DIAPH2: variants seen among roughly 807,000 people sequenced by gnomAD.
DIAPH2 encodes protein diaphanous homolog 2.
DIAPH2 carries 35 observed loss-of-function variants against 92.7 expected under a neutral mutation model. The ratio of observed to expected loss-of-function variants is 0.38; its 90% CI spans 0.29 to 0.50. DIAPH2 has a LOEUF of 0.50. Among genes scored for constraint, DIAPH2 ranks in the 20% least tolerant of loss-of-function variants. DIAPH2 has a pLI of 0.94. For missense variants in DIAPH2, 701 were observed against 819.5 expected (o/e 0.86, Z 1.77); for synonymous variants, 301 against 280.4 (o/e 1.07, Z -0.73).
intron 22 of DIAPH2, among the ~76,000 whole-genome samples, chrX:97,201,306 C>T (rs780188132): frequency 6.4e-5 from 7 of 108,821 alleles, no homozygotes; most frequent in South Asian, 4.2e-4. Context: ...CAAAACTGGA[C>T]GGAGGATGAG....
intron 19 of DIAPH2, 140 bp downstream of exon 19, chrX:97,075,401 A>G: frequency 2.8e-6 from 1 of 351,281 alleles, no homozygotes; most frequent in Non-Finnish European, 5.0e-6. Flanking sequence ...AATCAGGAAT[A>G]TCTAGCTGTG....
chrX:97,127,324 T>A (rs1446600935), intron 21 of DIAPH2, among the ~76,000 whole-genome samples: 1 of 112,143 alleles, frequency 8.9e-6, no homozygotes, highest in Non-Finnish European at 1.9e-5. Context: ...GGAAAGGATC[T>A]CAATATTTCA....
At chrX:96,982,920 G>T (rs1002011485) in intron 17 of DIAPH2, among the ~76,000 whole-genome samples, 1 of 111,408 alleles carries the variant, frequency 9.0e-6, no homozygotes, top group South Asian at 3.8e-4. Context: ...TTTGAGGCAG[G>T]GTTTTGGGAC....
At position 96,918,461 on chromosome X, in the gene DIAPH2, C is replaced by T. The variant is rs771573005; in HGVS notation, c.870-48C>T. The stretch of plus-strand genomic sequence containing the variant: ...CTGAAAGGACCGGTGCTCATAGTGT[C>T]TGTATAAGAAGTATTTCTCATTTCT... On this transcript the variant is annotated intron_variant, in intron 8 of 26. Coordinates refer to ENST00000324765, the MANE Select transcript of DIAPH2 (RefSeq NM_006729.5). 23 of 836,083 alleles carry T rather than the reference C, an allele frequency of 2.8e-5. No homozygotes were observed. In the Admixed American group the frequency reaches 6.5e-4, roughly 24 times the overall value. The allele number at this position is 836,083 out of a possible 1,213,427, so 68.9% of individuals were successfully genotyped here.
chrX:97,294,122 G>C (rs935220904), intron 23 of DIAPH2, among the ~76,000 whole-genome samples: 3 of 111,502 alleles, frequency 2.7e-5, no homozygotes, highest in African/African-American at 6.5e-5. Flanking sequence ...ATCCTGGGTA[G>C]GTTCGTAGTT....
intron 4 of DIAPH2, among the ~76,000 whole-genome samples, chrX:96,858,197 C>T (rs1417844188): frequency 1.8e-5 from 2 of 111,452 alleles, no homozygotes; most frequent in African/African-American, 6.5e-5. Context: ...TTCCAGGGTA[C>T]TAGGTAAAAT....
intron 24 of DIAPH2, among the ~76,000 whole-genome samples, chrX:97,378,297 C>T (rs936315467): frequency 3.1e-4 from 34 of 109,012 alleles, no homozygotes; most frequent in Non-Finnish European, 3.6e-4. Context: ...GTGGGAGAAT[C>T]GCTTGAACCC....
intron 17 of DIAPH2, among the ~76,000 whole-genome samples, chrX:96,985,085 C>T (rs1308810957): frequency 1.8e-5 from 2 of 111,386 alleles, no homozygotes; most frequent in East Asian, 2.8e-4. Context: ...TTCATTTACA[C>T]GATGTCAGTT....
At chrX:97,499,762 C>T (rs1056306999) in intron 26 of DIAPH2, among the ~76,000 whole-genome samples, 6 of 112,296 alleles carry the variant, frequency 5.3e-5, no homozygotes, top group African/African-American at 1.6e-4. Flanking sequence ...GAATACTATG[C>T]AGCCATAAAA....
At chrX:97,155,938 A>G (rs1208616778) in intron 22 of DIAPH2, among the ~76,000 whole-genome samples, 1 of 112,293 alleles carries the variant, frequency 8.9e-6, no homozygotes, top group Non-Finnish European at 1.9e-5. Context: ...CAGGAAGTGG[A>G]TAGAGTTTAA....
At chrX:96,789,278 T>C (rs1042463474) in intron 4 of DIAPH2, among the ~76,000 whole-genome samples, 12 of 111,992 alleles carry the variant, frequency 1.1e-4, no homozygotes, top group Admixed American at 1.0e-3. Context: ...AAGGTTTTTA[T>C]TGGGGGCCGG....
intron 22 of DIAPH2, among the ~76,000 whole-genome samples, chrX:97,214,762 C>T (rs1052087738): frequency 8.0e-5 from 8 of 99,559 alleles, no homozygotes; most frequent in South Asian, 4.8e-4. Context: ...ACCCAGGAAG[C>T]GGAGGTTGGG....
chrX:97,321,775 T>C (rs950117913), intron 23 of DIAPH2, among the ~76,000 whole-genome samples: 2 of 110,085 alleles, frequency 1.8e-5, no homozygotes, highest in Admixed American at 9.8e-5. Context: ...GGTCTCTAGT[T>C]CCTGACCTCA....
chrX:97,573,117 G>A (rs776004111), intron 26 of DIAPH2, among the ~76,000 whole-genome samples: 14 of 110,954 alleles, frequency 1.3e-4, no homozygotes, highest in South Asian at 3.8e-4. Context: ...TTGATAGTTC[G>A]GGGAGCAGTT....
chrX:96,801,123 G>A (rs1232432289), intron 4 of DIAPH2, among the ~76,000 whole-genome samples: 1 of 112,172 alleles, frequency 8.9e-6, no homozygotes, highest in African/African-American at 3.2e-5. Context: ...CTATTATCCT[G>A]TAATGCTACC....
chrX:97,184,902 G>A lies in DIAPH2; in HGVS notation c.2719+43108G>A, dbSNP rs780991913. Among the ~76,000 whole-genome samples the A allele has an allele frequency of 5.4e-5, 6 of 110,314 alleles. No homozygotes were observed. The East Asian group carries it at 1.4e-3, about 26-fold the overall frequency. Reference sequence around the variant, plus strand: ...ATCACTTTTTCTAATGCAGCGGCACGTTGTATAATACCCCTGAGAGGTAAA... The same window carrying A: ...ATCACTTTTTCTAATGCAGCGGCACATTGTATAATACCCCTGAGAGGTAAA... On this transcript the variant is annotated intron_variant, in intron 22 of 26. Transcript: ENST00000324765.
chrX:96,788,577 G>A (rs971018569), intron 4 of DIAPH2, among the ~76,000 whole-genome samples: 6 of 111,524 alleles, frequency 5.4e-5, no homozygotes, highest in African/African-American at 2.0e-4. Flanking sequence ...AGGGAAGCAT[G>A]CAAATTGTGT....
At chrX:97,061,806 T>G (rs1454635845) in intron 17 of DIAPH2, among the ~76,000 whole-genome samples, 1 of 45,679 alleles carries the variant, frequency 2.2e-5, no homozygotes, top group African/African-American at 9.2e-5. Flanking sequence ...AGATTGAGAC[T>G]CCGTCTCAAA....
At chrX:97,518,087 A>T (rs1430088949) in intron 26 of DIAPH2, among the ~76,000 whole-genome samples, 1 of 112,299 alleles carries the variant, frequency 8.9e-6, no homozygotes, top group Non-Finnish European at 1.9e-5. Flanking sequence ...TGGCAAATCA[A>T]ATGAGCAGAA....
Sources: allele counts gnomAD v4.1 joint callset (sites outside exome capture counted in the v4.1 genomes callset), GRCh38; gene constraint gnomAD v4.1.1; transcripts MANE v1.5; gene names NCBI Gene and HGNC (gene_info 2026-07-23, HGNC 2026-07-21).